EML6: variants seen among roughly 807,000 people sequenced by gnomAD.
The protein encoded by EML6 is echinoderm microtubule-associated protein-like 6.
A neutral mutation model predicts 240.1 loss-of-function variants in EML6; 154 were observed. The ratio of observed to expected loss-of-function variants is 0.64; its 90% confidence interval spans 0.56 to 0.73. The LOEUF is 0.73. Among genes scored for constraint, EML6 ranks in the 30% least tolerant of loss-of-function variants. The pLI is 0.00. For missense variants in EML6, 2,964 were observed against 2,474.6 expected (o/e 1.20, Z -4.20); for synonymous variants, 1,148 against 899.0 (o/e 1.28, Z -4.95).
At chr2:54,922,064 T>A (rs1434209516) in intron 26 of EML6, among the ~76,000 whole-genome samples, 1 of 152,006 alleles carries the variant, frequency 6.6e-6, no homozygotes, top group Non-Finnish European at 1.5e-5. Flanking sequence ...CAAAAGCAAG[T>A]GAGACAACAT....
intron 16 of EML6, among the ~76,000 whole-genome samples, chr2:54,878,991 A>G (rs1314348719): frequency 6.6e-6 from 1 of 152,246 alleles, no homozygotes; most frequent in Non-Finnish European, 1.5e-5. Context: ...AATAGGGAAC[A>G]TAAAATTTTT....
intron 17 of EML6, among the ~76,000 whole-genome samples, chr2:54,885,203 G>A (rs1418850208): frequency 6.6e-6 from 1 of 152,108 alleles, no homozygotes. Context: ...CCAGCACTTT[G>A]GGAGGTTGAG....
chr2:54,799,156 A>G (rs979555410), intron 2 of EML6, among the ~76,000 whole-genome samples: 4 of 152,062 alleles, frequency 2.6e-5, no homozygotes, highest in African/African-American at 9.7e-5. Context: ...TGCCTCCTGA[A>G]TTCAAGTGAT....
chr2:54,869,079 G>C lies in EML6; in HGVS notation c.2052-102G>C, dbSNP rs563261564. On this transcript the variant is annotated intron_variant, in intron 14 of 41. Transcript: ENST00000356458. ...CTATGTGACACCTGGGGTTCCACTTGTACATGTTCACGTCAATATGTTAGC... is the reference window on the plus strand; with the variant it reads ...CTATGTGACACCTGGGGTTCCACTTCTACATGTTCACGTCAATATGTTAGC... 9.3e-5 allele frequency: 66 copies of C among 711,050 alleles called. No homozygotes were observed. In the East Asian group the frequency reaches 1.5e-3, roughly 16 times the overall value. The allele number at this position is 711,050 out of a possible 1,614,324, so 44.0% of individuals were successfully genotyped here.
intron 28 of EML6, among the ~76,000 whole-genome samples, chr2:54,948,483 C>T (rs547381132): frequency 2.6e-5 from 4 of 152,192 alleles, no homozygotes; most frequent in Non-Finnish European, 4.4e-5. Flanking sequence ...ATGAGCACAT[C>T]CCTGTCTGAA....
chr2:54,811,701 C>G (rs1467271487), intron 2 of EML6, among the ~76,000 whole-genome samples: 1 of 152,196 alleles, frequency 6.6e-6, no homozygotes, highest in Non-Finnish European at 1.5e-5. Context: ...CAAACTGCTT[C>G]CATCCACTCA....
chr2:54,886,373 G>A (rs1364637849), intron 17 of EML6, among the ~76,000 whole-genome samples: 3 of 151,868 alleles, frequency 2.0e-5, no homozygotes, highest in African/African-American at 7.3e-5. Context: ...CACAATGTTG[G>A]CCAGGCTGGT....
At chr2:54,946,976 T>A (rs1027137790) in intron 28 of EML6, among the ~76,000 whole-genome samples, 5 of 152,078 alleles carry the variant, frequency 3.3e-5, no homozygotes, top group Admixed American at 6.6e-5. Flanking sequence ...CAATCTCCTG[T>A]ATATATAAAT....
rs571399984 is a variant in EML6 at position 54,852,980 on chromosome 2, G to C, written c.1445-663G>C. On this transcript the variant is annotated intron_variant, in intron 10 of 41. Coordinates refer to ENST00000356458, the MANE Select transcript of EML6 (RefSeq NM_001039753.4). ...TGGGAATATACACAGCACAACGGTCGGGATTATTTTCCCGCGTGAATTACA... is the reference window on the plus strand; with the variant it reads ...TGGGAATATACACAGCACAACGGTCCGGATTATTTTCCCGCGTGAATTACA... Among the ~76,000 whole-genome samples, 4 of 152,242 alleles carry C rather than the reference G, an allele frequency of 2.6e-5. No homozygotes were observed. The South Asian group carries it at 6.2e-4, about 24-fold the overall frequency.
At chr2:54,850,470 T>C in intron 10 of EML6, 1 of 411,168 alleles carries the variant, frequency 2.4e-6, no homozygotes, top group Non-Finnish European at 4.4e-6. Context: ...AGATCGTGAA[T>C]GAAATGTAAA....
At chr2:54,735,399 G>A (rs1683346678) in intron 2 of EML6, among the ~76,000 whole-genome samples, 1 of 152,184 alleles carries the variant, frequency 6.6e-6, no homozygotes, top group Admixed American at 6.5e-5. Flanking sequence ...ATAGGGGTGA[G>A]ATTTCTATAG....
At chr2:54,885,320 G>T (rs1471549254) in intron 17 of EML6, among the ~76,000 whole-genome samples, 1 of 151,558 alleles carries the variant, frequency 6.6e-6, no homozygotes. Context: ...GGTGGCACAT[G>T]CCTGTAATCC....
chr2:54,794,868 T>C (rs1230298310), intron 2 of EML6, among the ~76,000 whole-genome samples: 1 of 152,236 alleles, frequency 6.6e-6, no homozygotes, highest in African/African-American at 2.4e-5. Context: ...CAGTAGGTTC[T>C]GGTACCAAGA....
intron 12 of EML6, 142 bp from the exon 13 acceptor site, chr2:54,863,641 G>C: frequency 1.6e-6 from 1 of 639,384 alleles, no homozygotes; most frequent in Non-Finnish European, 2.7e-6. Context: ...AAAGAAAGAT[G>C]TTTTAACAAT....
intron 2 of EML6, among the ~76,000 whole-genome samples, chr2:54,810,334 G>A (rs1667771958): frequency 6.6e-6 from 1 of 152,200 alleles, no homozygotes; most frequent in African/African-American, 2.4e-5. Flanking sequence ...TTTTGGGGTA[G>A]CACTGCTTAT....
intron 2 of EML6, among the ~76,000 whole-genome samples, chr2:54,775,052 C>A (rs1412859742): frequency 3.3e-5 from 5 of 152,212 alleles, no homozygotes; most frequent in Non-Finnish European, 7.3e-5. Context: ...GACCTTCCTA[C>A]CCAGTGTGAG....
At chr2:54,763,848 G>A (rs1668073530) in intron 2 of EML6, among the ~76,000 whole-genome samples, 1 of 152,206 alleles carries the variant, frequency 6.6e-6, no homozygotes. Flanking sequence ...CCTTGGCTCT[G>A]ATGCTGCCTT....
chr2:54,777,695 T>A (rs912391567), intron 2 of EML6, among the ~76,000 whole-genome samples: 2 of 152,210 alleles, frequency 1.3e-5, no homozygotes, highest in Non-Finnish European at 2.9e-5. Context: ...GTGACCAATC[T>A]GCCCTCAGCT....
chr2:54,853,685 C>A lies in EML6; in HGVS notation c.1487C>A (p.Pro496His), dbSNP rs781464085. Reference protein sequence around the residue: ...LTSKEEIKGIPWASWTCVKGP... With the variant: ...LTSKEEIKGIHWASWTCVKGP... ...AGTAAAGAAGAAATTAAAGGGATTC[C>A]TTGGGCCTCCTGGACATGCGTGAAA... Residue 496 changes from proline to histidine, a missense_variant, in exon 11 of 42, where the codon CCT (proline) becomes CAT (histidine). Pro to His is a moderately conservative substitution (Grantham distance 77). Coordinates refer to ENST00000356458, the MANE Select transcript of EML6 (RefSeq NM_001039753.4). The A allele has an allele frequency of 6.5e-7, 1 of 1,549,908 alleles. No individual in the cohort carries two copies. Among genetic ancestry groups the A allele is most frequent in the South Asian group, 1.2e-5 (1 of 83,718 alleles).
Sources: gnomAD v4.1 joint callset for allele counts (sites outside exome capture counted in the v4.1 genomes callset) on GRCh38, gnomAD v4.1.1 for gene constraint, MANE v1.5 for transcripts, NCBI Gene and HGNC (gene_info 2026-07-23, HGNC 2026-07-21) for gene names.